The following TLX3 variants were observed in gnomAD, a reference collection of about 807,000 sequenced individuals.
TLX3 encodes the protein T-cell leukemia homeobox protein 3.
Under a neutral mutation model 19.6 loss-of-function variants are expected in TLX3, and 11 were observed. That is an observed-to-expected ratio of 0.56 (90% CI 0.35 to 0.93). TLX3 has a LOEUF of 0.93. Among genes scored for constraint, TLX3 ranks in the 40% least tolerant of loss-of-function variants. The pLI, the probability that TLX3 is intolerant of heterozygous loss-of-function variation, is 0.01. For synonymous variants in TLX3, 221 were observed against 188.1 expected (o/e 1.17, Z -1.43); for missense variants, 375 against 418.6 (o/e 0.90, Z 0.91).
chr5:171,311,095 A>C lies in TLX3; in HGVS notation c.666-294A>C, dbSNP rs1769211154. ...GTTACACATAGGCCCTGCCCTTGCTATCTGGCGAAAGGAACAATCTTTATT... is the reference window on the plus strand; with the variant it reads ...GTTACACATAGGCCCTGCCCTTGCTCTCTGGCGAAAGGAACAATCTTTATT... On this transcript the variant is annotated intron_variant, in intron 2 of 2. Coordinates refer to ENST00000296921, the MANE Select transcript of TLX3 (RefSeq NM_021025.4). This position sits in a 1 kb window ranked among gnomAD's most constrained non-coding sequence, Gnocchi z 5.1. 6.6e-6 allele frequency among the ~76,000 whole-genome samples: 1 copy of C among 152,064 alleles called. No homozygotes were observed. The highest frequency in any genetic ancestry group is 1.5e-5 in the Non-Finnish European group (1 of 68,004).
Position 171,309,613 on chromosome 5 carries a change from C to T in TLX3, c.248C>T (p.Ala83Val), listed in dbSNP as rs1221964215. The change falls in exon 1 of 3, where the codon GCG becomes GTG. Residue 83 changes from alanine (A) to valine (V), a missense_variant. This residue lies in a region of TLX3 where 239 missense variants were observed against 217.0 expected (regional missense o/e 1.10). Transcript: ENST00000296921. ...TCTTACAGTGTGAACCTGAGCCTAG[C>T]GCCCGCAGGCGTGATCCGGGTGCCG... is the stretch of plus-strand genomic sequence containing the variant. ...AGSYSVNLSL[A>V]PAGVIRVPAH... 1 of 1,606,662 alleles carries T rather than the reference C, an allele frequency of 6.2e-7. No individual in the cohort carries two copies.
chr5:171,310,054 G>T, intron 1 of TLX3, 96 bp from the exon 2 acceptor site: 2 of 1,456,322 alleles, frequency 1.4e-6, no homozygotes, highest in Non-Finnish European at 1.8e-6. Flanking sequence ...AAATAGCGGA[G>T]CTCTCCGTGT....
At position 171,310,379 on chromosome 5, in the gene TLX3, G is replaced by T; in HGVS notation, c.651G>T (p.Arg217=). The change falls in exon 2 of 3, where the codon CGG becomes CGT. Residue 217 remains arginine (R), a synonymous_variant. Coordinates refer to ENST00000296921, the MANE Select transcript of TLX3 (RefSeq NM_021025.4). ...AGGTCAAGACCTGGTTCCAAAACCG[G>T]AGGACCAAGTGGCGGTGAGAGAGGC... ...DAQVKTWFQN[R]RTKWRRQTAE... 6.2e-7 allele frequency: 1 copy of T among 1,613,784 alleles called. No homozygotes were observed. Among genetic ancestry groups the T allele is most frequent in the South Asian group, 1.1e-5 (1 of 90,998 alleles).
Position 171,309,332 on chromosome 5 carries a change from G to GC in TLX3, c.-31dup. 1.5e-6 allele frequency: 1 copy of GC among 646,104 alleles called. No homozygotes were observed. The highest frequency in any genetic ancestry group is 2.4e-6 in the Non-Finnish European group (1 of 421,518). The allele number at this position is 646,104 out of a possible 1,614,324, so 40.0% of individuals were successfully genotyped here. A position where few individuals can be genotyped will look rare whatever the true frequency, so the allele number is the denominator to read the frequency against. On this transcript the variant is annotated 5_prime_UTR_variant, in exon 1 of 3. Transcript: ENST00000296921. ...GTAACGGGGACCCAGCCGCCTCCCCGCCCAGCCCAGCCCAGCCCTTCCGCC... is the reference window on the plus strand; with the variant it reads ...GTAACGGGGACCCAGCCGCCTCCCCGCCCCAGCCCAGCCCAGCCCTTCCGCC...
chr5:171,309,668 A>G lies in TLX3; in HGVS notation c.303A>G (p.Pro101=), dbSNP rs763721075. 6.8e-6 allele frequency: 11 copies of G among 1,608,054 alleles called. No individual in the cohort carries two copies. The highest frequency in any genetic ancestry group is 8.5e-6 in the Non-Finnish European group (10 of 1,178,348). The change falls in exon 1 of 3, where the codon CCA becomes CCG. Residue 101 remains proline (P), a synonymous_variant. Transcript: ENST00000296921. The stretch of plus-strand genomic sequence containing the variant: ...ACAGGCCGCTGCCCGGGGCCGTGCC[A>G]CCGCCTCTGCCAAGCGCGCTACCCG... ...PAHRPLPGAV[P]PPLPSALPAM... is the part of the protein sequence containing the mutation.
At chr5:171,310,422 A>T (rs1360293381) in intron 2 of TLX3, 29 bp downstream of exon 2, 8 of 1,606,382 alleles carry the variant, frequency 5.0e-6, no homozygotes, top group Non-Finnish European at 6.8e-6. Flanking sequence ...GGCCCACCTT[A>T]CACCTGCCCT....
Position 171,311,469 on chromosome 5 carries a change from A to G in TLX3, c.746A>G (p.Gln249Arg). The change falls in exon 3 of 3, where the codon CAA (glutamine) becomes CGA (arginine). Residue 249 changes from glutamine (Q) to arginine (R), a missense_variant. This residue lies in a region of TLX3 where 62 missense variants were observed against 63.1 expected (regional missense o/e 0.98). Transcript: ENST00000296921. This position sits in a 1 kb window ranked among gnomAD's most constrained non-coding sequence, Gnocchi z 5.1. Reference sequence around the variant, plus strand: ...CTGCAGCTGCAACACGACGCCTTCCAAAAGAGCCTCAACGACTCCATCCAG... The same window carrying G: ...CTGCAGCTGCAACACGACGCCTTCCGAAAGAGCCTCAACGACTCCATCCAG... ...LMLQLQHDAFQKSLNDSIQPD... is the reference protein window; with the variant it reads ...LMLQLQHDAFRKSLNDSIQPD... 1 of 1,607,360 alleles carries G rather than the reference A, an allele frequency of 6.2e-7. No homozygotes were observed. The highest frequency in any genetic ancestry group is 8.5e-7 in the Non-Finnish European group (1 of 1,177,144).
At position 171,311,480 on chromosome 5, in the gene TLX3, A is replaced by G; in HGVS notation, c.757A>G (p.Asn253Asp). Reference protein sequence around the residue: ...LQHDAFQKSLNDSIQPDPLCL... With the variant: ...LQHDAFQKSLDDSIQPDPLCL... ...ACACGACGCCTTCCAAAAGAGCCTC[A>G]ACGACTCCATCCAGCCTGACCCGCT... Residue 253 changes from asparagine to aspartate, a missense_variant, in exon 3 of 3, where the codon AAC becomes GAC. Asn to Asp is a conservative substitution (Grantham distance 23). Coordinates refer to ENST00000296921, the MANE Select transcript of TLX3 (RefSeq NM_021025.4). The surrounding 1 kb of genome is among the most constrained non-coding windows in gnomAD (Gnocchi z 5.1). The G allele has an allele frequency of 6.3e-7, 1 of 1,591,120 alleles. No homozygotes were observed. Among genetic ancestry groups the G allele is most frequent in the Non-Finnish European group, 8.6e-7 (1 of 1,167,314 alleles).
Position 171,310,199 on chromosome 5 carries a change from C to T in TLX3, c.471C>T (p.Pro157=), listed in dbSNP as rs1211964256. Residue 157 remains proline, a synonymous_variant, in exon 2 of 3, where the codon CCC becomes CCT. Coordinates refer to ENST00000296921, the MANE Select transcript of TLX3 (RefSeq NM_021025.4). ...CCGTGACCCGGCGCATCGGCCACCC[C>T]TACCAGAACCGGACGCCGCCCAAGC... ...PFTVTRRIGH[P]YQNRTPPKRK... 6.4e-7 allele frequency: 1 copy of T among 1,553,242 alleles called. No homozygotes were observed. Among genetic ancestry groups the T allele is most frequent in the Admixed American group, 2.0e-5 (1 of 51,254 alleles).
chr5:171,309,534 C>G lies in TLX3; in HGVS notation c.169C>G (p.Pro57Ala). ...PPGGRPGATY[P>A]SLPASFAGLG... ...CGGGGGCCGTCCGGGCGCCACATAC[C>G]CGTCTCTGCCCGCCTCCTTTGCGGG... Residue 57 changes from proline (P) to alanine (A), a missense_variant, in exon 1 of 3, where the codon CCG (proline) becomes GCG (alanine). Transcript: ENST00000296921. 6.4e-7 allele frequency: 1 copy of G among 1,571,052 alleles called. No homozygotes were observed. The highest frequency in any genetic ancestry group is 8.6e-7 in the Non-Finnish European group (1 of 1,159,960).
chr5:171,310,264 G>C lies in TLX3; in HGVS notation c.536G>C (p.Cys179Ser), dbSNP rs998812280. 25 of 1,578,304 alleles carry C rather than the reference G, an allele frequency of 1.6e-5. No individual in the cohort carries two copies. The highest frequency in any genetic ancestry group is 2.0e-5 in the Non-Finnish European group (23 of 1,162,628). ...ACGTCCTTTTCCCGGGTGCAGATCT[G>C]CGAGCTGGAAAAGCGCTTCCATCGC... ...PRTSFSRVQICELEKRFHRQK... is the reference protein window; with the variant it reads ...PRTSFSRVQISELEKRFHRQK... The change falls in exon 2 of 3, where the codon TGC becomes TCC. Residue 179 changes from cysteine to serine, a missense_variant. Coordinates refer to ENST00000296921, the MANE Select transcript of TLX3 (RefSeq NM_021025.4).
At chr5:171,310,519 C>G in intron 2 of TLX3, 126 bp downstream of exon 2, 4 of 1,167,484 alleles carry the variant, frequency 3.4e-6, no homozygotes, top group Non-Finnish European at 4.7e-6. Flanking sequence ...CTCCCCCAAA[C>G]ACACCCCCAC....
At position 171,310,388 on chromosome 5, in the gene TLX3, G is replaced by C; in HGVS notation, c.660G>C (p.Lys220Asn). The change falls in exon 2 of 3, where the codon AAG (lysine) becomes AAC (asparagine). Residue 220 changes from lysine to asparagine, a missense_variant. Physicochemically the swap from Lys to Asn is moderately conservative, Grantham distance 94 (BLOSUM62 0). Around this residue, in one of 3 missense-constraint regions of TLX3, gnomAD observed 74 missense variants for 138.6 expected, o/e 0.53. Coordinates refer to ENST00000296921, the MANE Select transcript of TLX3 (RefSeq NM_021025.4). ...CCTGGTTCCAAAACCGGAGGACCAAGTGGCGGTGAGAGAGGCCTGACCCGG... is the reference window on the plus strand; with the variant it reads ...CCTGGTTCCAAAACCGGAGGACCAACTGGCGGTGAGAGAGGCCTGACCCGG... ...VKTWFQNRRT[K>N]WRRQTAEERE... is the part of the protein sequence containing the mutation. 6.2e-7 allele frequency: 1 copy of C among 1,613,424 alleles called. No individual in the cohort carries two copies. The highest frequency in any genetic ancestry group is 8.5e-7 in the Non-Finnish European group (1 of 1,179,820).
chr5:171,309,700 C>G lies in TLX3; in HGVS notation c.335C>G (p.Pro112Arg), dbSNP rs201883284. 246 of 1,611,414 alleles carry G rather than the reference C, an allele frequency of 1.5e-4. 1 individual carries two copies. The highest frequency in any genetic ancestry group is 1.9e-4 in the Non-Finnish European group (228 of 1,179,378). The change falls in exon 1 of 3, where the codon CCC (proline) becomes CGC (arginine). Residue 112 changes from proline (P) to arginine (R), a missense_variant. By Grantham distance (103) the Pro-to-Arg change is moderately radical. Coordinates refer to ENST00000296921, the MANE Select transcript of TLX3 (RefSeq NM_021025.4). ...CTGCCAAGCGCGCTACCCGCCATGC[C>G]CTCCGTGCCCACGGTCTCCAGCCTT... Reference protein sequence around the residue: ...PPLPSALPAMPSVPTVSSLGG... With the variant: ...PPLPSALPAMRSVPTVSSLGG...
In TLX3 at chr5:171,311,462, G is replaced by A. The variant is rs554835251; in HGVS notation, c.739G>A (p.Ala247Thr). ...SRLMLQLQHD[A>T]FQKSLNDSIQ... ...GCTCATGCTGCAGCTGCAACACGAC[G>A]CCTTCCAAAAGAGCCTCAACGACTC... is the stretch of plus-strand genomic sequence containing the variant. Residue 247 changes from alanine to threonine, a missense_variant, in exon 3 of 3, where the codon GCC becomes ACC. Transcript: ENST00000296921. This position sits in a 1 kb window ranked among gnomAD's most constrained non-coding sequence, Gnocchi z 5.1. The A allele has an allele frequency of 1.2e-6, 2 of 1,602,772 alleles. No individual in the cohort carries two copies. The highest frequency in any genetic ancestry group is 1.7e-6 in the Non-Finnish European group (2 of 1,175,126).
chr5:171,309,533 C>A lies in TLX3; in HGVS notation c.168C>A (p.Tyr56Ter), dbSNP rs1200810392. 1.3e-6 allele frequency: 2 copies of A among 1,570,546 alleles called. No individual in the cohort carries two copies. The highest frequency in any genetic ancestry group is 1.7e-6 in the Non-Finnish European group (2 of 1,159,734). The change falls in exon 1 of 3, where the codon TAC becomes TAA. Residue 56 changes from tyrosine to a stop codon, truncating the protein, a stop_gained. Transcript: ENST00000296921. LOFTEE classifies it high-confidence loss of function. ...CCGGGGGCCGTCCGGGCGCCACATA[C>A]CCGTCTCTGCCCGCCTCCTTTGCGG... is the stretch of plus-strand genomic sequence containing the variant. ...GPPGGRPGAT[Y>*]PSLPASFAGL...
At chr5:171,310,057 C>T in intron 1 of TLX3, 93 bp from the exon 2 acceptor site, 2 of 1,463,588 alleles carry the variant, frequency 1.4e-6, no homozygotes, top group South Asian at 2.8e-5. Flanking sequence ...TAGCGGAGCT[C>T]TCCGTGTCCC....
At position 171,309,671 on chromosome 5, in the gene TLX3, G is replaced by C; in HGVS notation, c.306G>C (p.Pro102=). 1 of 1,608,958 alleles carries C rather than the reference G, an allele frequency of 6.2e-7. No individual in the cohort carries two copies. The highest frequency in any genetic ancestry group is 1.1e-5 in the South Asian group (1 of 90,478). Residue 102 remains proline, a synonymous_variant, in exon 1 of 3, where the codon CCG becomes CCC. Coordinates refer to ENST00000296921, the MANE Select transcript of TLX3 (RefSeq NM_021025.4). The part of the protein sequence containing the change: ...AHRPLPGAVP[P]PLPSALPAMP... The stretch of plus-strand genomic sequence containing the variant: ...GGCCGCTGCCCGGGGCCGTGCCACC[G>C]CCTCTGCCAAGCGCGCTACCCGCCA...
Position 171,311,334 on chromosome 5 carries a change from G to T in TLX3, c.666-55G>T. The stretch of plus-strand genomic sequence containing the variant: ...CCGGGAGGGCCGGGGCCCCGCCGGC[G>T]GCCCCGCGGTGCCGGGTGCATGACG... On this transcript the variant is annotated intron_variant, in intron 2 of 2. Transcript: ENST00000296921. The surrounding 1 kb of genome is among the most constrained non-coding windows in gnomAD (Gnocchi z 5.1). 3 of 1,484,868 alleles carry T rather than the reference G, an allele frequency of 2.0e-6. No homozygotes were observed. Among genetic ancestry groups the T allele is most frequent in the Non-Finnish European group, 2.7e-6 (3 of 1,111,110 alleles). 92.0% of individuals were successfully genotyped at this position (1,484,868 alleles called of 1,614,324 possible). A position where few individuals can be genotyped will look rare whatever the true frequency, so the allele number is the denominator to read the frequency against.
Sources: allele counts gnomAD v4.1 joint callset (sites outside exome capture counted in the v4.1 genomes callset), GRCh38; gene constraint gnomAD v4.1.1; regional missense constraint gnomAD v4.1.1; non-coding constraint Gnocchi (gnomAD v3.1); transcripts MANE v1.5; gene names NCBI Gene and HGNC (gene_info 2026-07-23, HGNC 2026-07-21).